COL28A1: variants seen among roughly 807,000 people sequenced by gnomAD.
COL28A1 encodes collagen alpha-1(XXVIII) chain.
COL28A1 carries 161 observed loss-of-function variants against 150.2 expected under a neutral mutation model. The ratio of observed to expected loss-of-function variants is 1.07; its 90% CI spans 0.94 to 1.22. The LOEUF (loss-of-function observed/expected upper bound fraction) is 1.22, where lower values mean the gene tolerates loss of function less well. Among genes scored for constraint, COL28A1 ranks in the 50% most tolerant of loss-of-function variants. The pLI, the probability that COL28A1 is intolerant of heterozygous loss-of-function variation, is 0.00. For missense variants in COL28A1, 1,617 were observed against 1,388.3 expected (o/e 1.16, Z -2.62); for synonymous variants, 552 against 469.7 (o/e 1.18, Z -2.26).
chr7:7,397,755 T>G (rs1782922591), intron 27 of COL28A1, among the ~76,000 whole-genome samples: 1 of 152,174 alleles, frequency 6.6e-6, no homozygotes, highest in Non-Finnish European at 1.5e-5. Flanking sequence ...AGACATGTGG[T>G]AGCTAGAAAT....
chr7:7,496,898 G>A (rs1028096592), intron 11 of COL28A1, among the ~76,000 whole-genome samples: 4 of 152,094 alleles, frequency 2.6e-5, no homozygotes, highest in Non-Finnish European at 5.9e-5. Context: ...AGAAAATGAT[G>A]GATGAACATT....
At chr7:7,471,316 T>C (rs900726715) in intron 15 of COL28A1, among the ~76,000 whole-genome samples, 6 of 152,002 alleles carry the variant, frequency 3.9e-5, no homozygotes, top group African/African-American at 1.2e-4. Flanking sequence ...ATCAATCCTA[T>C]TGACACTATT....
Position 7,373,087 on chromosome 7 carries a change from G to A in COL28A1, c.2819C>T (p.Pro940Leu). Residue 940 changes from proline to leucine, a missense_variant, in exon 32 of 35, where the codon CCC becomes CTC. Transcript: ENST00000399429. The surrounding 1 kb of genome is among the most constrained non-coding windows in gnomAD (Gnocchi z 4.1). ...FVIGVVKKND[P>L]NFEIFHKEMN... Reference sequence around the variant, plus strand: ...TTCTTTGTGGAATATTTCAAAGTTGGGATCATTTTTCTTCACCACCCCTAT... The same window carrying A: ...TTCTTTGTGGAATATTTCAAAGTTGAGATCATTTTTCTTCACCACCCCTAT... The A allele has an allele frequency of 6.2e-7, 1 of 1,614,086 alleles. No individual in the cohort carries two copies. The highest frequency in any genetic ancestry group is 8.5e-7 in the Non-Finnish European group (1 of 1,179,986).
intron 25 of COL28A1, among the ~76,000 whole-genome samples, chr7:7,426,391 T>C (rs1224544798): frequency 1.3e-5 from 2 of 152,240 alleles, no homozygotes; most frequent in Non-Finnish European, 2.9e-5. Context: ...TCACTCGTGG[T>C]AGCCAGAATG....
chr7:7,536,697 A>G (rs1455889751), upstream of COL28A1, among the ~76,000 whole-genome samples: 1 of 152,204 alleles, frequency 6.6e-6, no homozygotes, highest in Non-Finnish European at 1.5e-5. Context: ...TCATCCGAGA[A>G]AGCAATACAA....
the COL28A1 span, among the ~76,000 whole-genome samples, chr7:7,341,064 G>C: frequency 6.6e-6 from 1 of 152,146 alleles, no homozygotes; most frequent in Admixed American, 6.5e-5. Context: ...ACCTCTGTGT[G>C]CTGTCCACAA....
intron 25 of COL28A1, among the ~76,000 whole-genome samples, chr7:7,430,687 A>G (rs1375548664): frequency 6.6e-6 from 1 of 152,202 alleles, no homozygotes; most frequent in Non-Finnish European, 1.5e-5. Flanking sequence ...TATTCAATAT[A>G]CAAGTTTTTA....
chr7:7,341,064 G>A, the COL28A1 span, among the ~76,000 whole-genome samples: 7 of 152,146 alleles, frequency 4.6e-5, no homozygotes, highest in Non-Finnish European at 1.0e-4. Context: ...ACCTCTGTGT[G>A]CTGTCCACAA....
At chr7:7,461,197 G>A (rs55781818) in intron 15 of COL28A1, among the ~76,000 whole-genome samples, 17,715 of 152,190 alleles carry the variant, frequency 0.12, 1,423 homozygotes, top group Non-Finnish European at 0.16. Context: ...AGAGCCAAGC[G>A]AAATACAGGA....
At chr7:7,505,344 C>G (rs1780750976) in intron 11 of COL28A1, among the ~76,000 whole-genome samples, 3 of 152,152 alleles carry the variant, frequency 2.0e-5, no homozygotes, top group African/African-American at 7.2e-5. Flanking sequence ...TTTACTATAT[C>G]CGTGAAATTT....
chr7:7,400,506 G>A (rs1483636908), intron 27 of COL28A1, among the ~76,000 whole-genome samples: 8 of 152,152 alleles, frequency 5.3e-5, no homozygotes, highest in South Asian at 2.1e-4. Context: ...TGCATGGCCA[G>A]GTGCCCTTCA....
intron 27 of COL28A1, among the ~76,000 whole-genome samples, chr7:7,392,454 G>C (rs1391182757): frequency 6.6e-6 from 1 of 152,042 alleles, no homozygotes; most frequent in Non-Finnish European, 1.5e-5. Context: ...TATGTGCCTT[G>C]GGGTTGCTCT....
Position 7,380,843 on chromosome 7 carries a change from C to T in COL28A1, c.2225G>A (p.Gly742Asp), listed in dbSNP as rs773338232. The T allele has an allele frequency of 1.9e-5, 31 of 1,613,800 alleles. No individual in the cohort carries two copies. In the East Asian group the frequency reaches 6.7e-4, roughly 35 times the overall value. Residue 742 changes from glycine (G) to aspartate (D), a missense_variant, in exon 29 of 35, where the codon GGC (glycine) becomes GAC (aspartate). By Grantham distance (94) the Gly-to-Asp change is moderately conservative (BLOSUM62 -1). Transcript: ENST00000399429. ...PGQKGEHGER[G>D]DVGKKGDKGE... is the part of the protein sequence containing the mutation. ...TTTATCACCTTTCTTTCCCACATCGCCCCGTTCTCCGTGCTCTCCCTTTAC... is the reference window on the plus strand; with the variant it reads ...TTTATCACCTTTCTTTCCCACATCGTCCCGTTCTCCGTGCTCTCCCTTTAC...
chr7:7,362,673 G>C (rs1281572794), intron 33 of COL28A1, among the ~76,000 whole-genome samples: 1 of 152,112 alleles, frequency 6.6e-6, no homozygotes, highest in African/African-American at 2.4e-5. Flanking sequence ...AAATACAATA[G>C]GAAATTTTCA....
intron 27 of COL28A1, 90 bp from the exon 28 acceptor site, chr7:7,381,702 C>G: frequency 1.2e-6 from 1 of 821,874 alleles, no homozygotes; most frequent in Non-Finnish European, 2.1e-6. Context: ...CGGTTTAAAA[C>G]TGCATTATAG....
chr7:7,408,503 G>A (rs1397374887), intron 27 of COL28A1, among the ~76,000 whole-genome samples: 1 of 152,124 alleles, frequency 6.6e-6, no homozygotes, highest in African/African-American at 2.4e-5. Context: ...TACATACTAT[G>A]CACTAATTTG....
intron 9 of COL28A1, among the ~76,000 whole-genome samples, chr7:7,510,569 G>C (rs1354843159): frequency 6.6e-6 from 1 of 152,228 alleles, no homozygotes; most frequent in Non-Finnish European, 1.5e-5. Flanking sequence ...ACAGGTGTTA[G>C]CCACTGCGTT....
chr7:7,484,369 G>A (rs1779511563), intron 13 of COL28A1, among the ~76,000 whole-genome samples: 1 of 152,090 alleles, frequency 6.6e-6, no homozygotes. Flanking sequence ...ACCAAAGGCT[G>A]AAAGGGTTTA....
chr7:7,436,344 CTTCAT>C (rs1562640791), intron 23 of COL28A1, 46 bp downstream of exon 23: 2 of 905,940 alleles, frequency 2.2e-6, no homozygotes, highest in Non-Finnish European at 3.7e-6. Flanking sequence ...TTAAATCTAC[CTTCAT>C]TTATTTCAGA....
Sources: gnomAD v4.1 joint callset for allele counts (sites outside exome capture counted in the v4.1 genomes callset) on GRCh38, gnomAD v4.1.1 for gene constraint, Gnocchi (gnomAD v3.1) non-coding constraint, MANE v1.5 for transcripts, NCBI Gene and HGNC (gene_info 2026-07-23, HGNC 2026-07-21) for gene names.